The following PFKP variants were observed in gnomAD, a reference collection of about 807,000 sequenced individuals.
The protein encoded by PFKP is phosphofructokinase, platelet.
PFKP carries 101 observed loss-of-function variants against 94.3 expected under a neutral mutation model. The observed-to-expected ratio is 1.07, with a 90% confidence interval of 0.91 to 1.26. The LOEUF (loss-of-function observed/expected upper bound fraction) is 1.26, where lower values mean the gene tolerates loss of function less well. Among genes scored for constraint, PFKP ranks in the 50% most tolerant of loss-of-function variants. The probability of loss-of-function intolerance (pLI) is 0.00; values close to 1 mark genes in which losing one functional copy is unlikely to be tolerated. For missense variants in PFKP, 1,145 were observed against 1,103.3 expected, an observed-to-expected ratio of 1.04 and a Z score of -0.53; for synonymous variants, 573 against 432.6, an observed-to-expected ratio of 1.32 and a Z score of -4.03.
intron 2 of PFKP, among the ~76,000 whole-genome samples, chr10:3,095,233 C>CGCGCTGA (rs534523216): frequency 6.6e-6 from 1 of 151,308 alleles, no homozygotes; most frequent in Non-Finnish European, 1.5e-5. Context: ...CCGAGAAAGC[C>CGCGCTGA]ACCCATAGGT....
At chr10:3,118,039 G>A (rs899582795) in intron 14 of PFKP, among the ~76,000 whole-genome samples, 1 of 152,234 alleles carries the variant, frequency 6.6e-6, no homozygotes. Context: ...GCACAGTCTG[G>A]TGTTGCACTT....
chr10:3,088,781 A>G (rs1042895067), intron 2 of PFKP, among the ~76,000 whole-genome samples: 4 of 150,292 alleles, frequency 2.7e-5, no homozygotes, highest in Admixed American at 6.8e-5. Context: ...AGAGTTCAGA[A>G]ATATAGTCTT....
rs1195430589 is a variant in PFKP, at chr10:3,069,150, C to G, written c.112+1443C>G. The G allele has an allele frequency of 1.5e-5, 14 of 942,664 alleles. No individual in the cohort carries two copies. The East Asian group carries it at 5.6e-4, about 38-fold the overall frequency. The allele number at this position is 942,664 out of a possible 1,614,324, so 58.4% of individuals were successfully genotyped here. The stretch of plus-strand genomic sequence containing the variant: ...CGCAGCCTCCCCAGGCCCAGCGCCC[C>G]CCGCGGGAGACCCGGGTGGCAGCGC... On this transcript the variant is annotated intron_variant, in intron 1 of 21. Transcript: ENST00000381125.
In PFKP at chr10:3,111,416, C is replaced by T. The variant is rs560187584; in HGVS notation, c.1090-806C>T. Among the ~76,000 whole-genome samples, 10 of 152,214 alleles carry T rather than the reference C, an allele frequency of 6.6e-5. No homozygotes were observed. In the South Asian group the frequency reaches 1.0e-3, roughly 16 times the overall value. ...GGCTTAAAAGGCTCAGAGCACTGAA[C>T]GACATGCGGTACGTGTATTTTGAGC... is the stretch of plus-strand genomic sequence containing the variant. On this transcript the variant is annotated intron_variant, in intron 10 of 21. Coordinates refer to ENST00000381125, the MANE Select transcript of PFKP (RefSeq NM_002627.5).
At chr10:3,091,281 AC>A (rs1401089478) in intron 2 of PFKP, among the ~76,000 whole-genome samples, 2 of 152,202 alleles carry the variant, frequency 1.3e-5, no homozygotes, top group Non-Finnish European at 2.9e-5. Context: ...AGATGATGAT[AC>A]TAAGTATATC....
At chr10:3,134,172 G>A (rs1278759596) in intron 19 of PFKP, among the ~76,000 whole-genome samples, 1 of 152,210 alleles carries the variant, frequency 6.6e-6, no homozygotes, top group African/African-American at 2.4e-5. Flanking sequence ...ACGGTTATCA[G>A]ATTAAAGCTG....
chr10:3,136,140 T>C (rs545140412), intron 21 of PFKP, among the ~76,000 whole-genome samples: 3 of 152,256 alleles, frequency 2.0e-5, no homozygotes, highest in Admixed American at 6.5e-5. Flanking sequence ...GATGCACACC[T>C]GTAGTCCCAG....
intron 1 of PFKP, among the ~76,000 whole-genome samples, chr10:3,073,943 T>C (rs1307893193): frequency 6.6e-6 from 1 of 152,166 alleles, no homozygotes; most frequent in Non-Finnish European, 1.5e-5. Context: ...GTTCAAGCGA[T>C]TTTCCTGTCC....
chr10:3,107,964 C>A, intron 8 of PFKP: 1 of 1,289,748 alleles, frequency 7.8e-7, no homozygotes, highest in South Asian at 1.2e-5. Context: ...ACGTCCCCAC[C>A]TGGCTTTGCA....
intron 8 of PFKP, 140 bp from the exon 9 acceptor site, chr10:3,108,561 A>G: frequency 1.6e-6 from 1 of 639,468 alleles, no homozygotes. Flanking sequence ...CTGCTAGGAA[A>G]CAAAATTTAG....
intron 1 of PFKP, among the ~76,000 whole-genome samples, chr10:3,074,425 A>G (rs973666532): frequency 6.6e-6 from 1 of 152,154 alleles, no homozygotes; most frequent in Non-Finnish European, 1.5e-5. Flanking sequence ...CCTTGGGTGA[A>G]CTGGGAAGCA....
intron 8 of PFKP, 58 bp from the exon 9 acceptor site, chr10:3,108,643 A>T: frequency 7.7e-7 from 1 of 1,296,128 alleles, no homozygotes; most frequent in Non-Finnish European, 1.1e-6. Flanking sequence ...CTCCTTCCAG[A>T]TCTGGGCTGC....
Position 3,079,098 on chromosome 10 carries a change from C to G in PFKP, c.113-3290C>G, listed in dbSNP as rs796247276. Among the ~76,000 whole-genome samples the G allele has an allele frequency of 7.9e-5, 12 of 152,296 alleles. 1 individual carries two copies. Among genetic ancestry groups the G allele is most frequent in the African/African-American group, 2.9e-4 (12 of 41,554 alleles). ...GAGCTCCTGCTGTGGGGTGGTGTCA[C>G]TGTTCTTTCCAGGTGGGTGCAGGTG... On this transcript the variant is annotated intron_variant, in intron 1 of 21. Transcript: ENST00000381125.
At chr10:3,125,197 C>T (rs1281165407) in intron 16 of PFKP, 2 of 1,348,786 alleles carry the variant, frequency 1.5e-6, no homozygotes, top group Non-Finnish European at 2.0e-6. Context: ...AACAATGTCC[C>T]AGGCACAGAA....
At chr10:3,108,639 C>A in intron 8 of PFKP, 62 bp from the exon 9 acceptor site, 1 of 1,250,350 alleles carries the variant, frequency 8.0e-7, no homozygotes, top group African/African-American at 1.5e-5. Flanking sequence ...GTACCTCCTT[C>A]CAGATCTGGG....
intron 1 of PFKP, among the ~76,000 whole-genome samples, chr10:3,068,003 C>A (rs531329282): frequency 2.6e-5 from 4 of 152,278 alleles, no homozygotes; most frequent in Non-Finnish European, 4.4e-5. Flanking sequence ...GCGGTAGGAA[C>A]CTCCATCCGG....
intron 1 of PFKP, among the ~76,000 whole-genome samples, chr10:3,081,864 C>T (rs1833105372): frequency 1.3e-5 from 2 of 150,594 alleles, no homozygotes; most frequent in East Asian, 1.9e-4. Context: ...CTGTTCTTCT[C>T]AAGGGGGGCC....
At chr10:3,104,549 C>T (rs1010216414) in intron 5 of PFKP, among the ~76,000 whole-genome samples, 3 of 152,234 alleles carry the variant, frequency 2.0e-5, no homozygotes, top group African/African-American at 4.8e-5. Context: ...CCTCTGTGTG[C>T]GTGTCCTGTT....
Position 3,119,984 on chromosome 10 carries a change from C to A in PFKP, c.1623C>A (p.Asn541Lys). ...PMVMVPATVS[N>K]NVPGSDFSIG... ...TCATGGTTCCCGCTACTGTGTCCAA[C>A]AATGTGCCGGGTTCCGATTTCAGCA... The change falls in exon 16 of 22, where the codon AAC (asparagine) becomes AAA (lysine). Residue 541 changes from asparagine to lysine, a missense_variant. Asn to Lys is a moderately conservative substitution (Grantham distance 94). Around this residue, in one of 3 missense-constraint regions of PFKP, gnomAD observed 1,119 missense variants for 1,062.8 expected, o/e 1.05. Transcript: ENST00000381125. The A allele has an allele frequency of 1.2e-6, 2 of 1,614,130 alleles. No individual in the cohort carries two copies. The highest frequency in any genetic ancestry group is 1.7e-6 in the Non-Finnish European group (2 of 1,179,966).
Sources: gnomAD v4.1 joint callset for allele counts (sites outside exome capture counted in the v4.1 genomes callset) on GRCh38, gnomAD v4.1.1 for gene constraint, gnomAD v4.1.1 regional missense constraint, MANE v1.5 for transcripts, NCBI Gene and HGNC (gene_info 2026-07-23, HGNC 2026-07-21) for gene names.